The following FTO variants were observed in gnomAD, a reference collection of about 807,000 sequenced individuals.
FTO encodes alpha-ketoglutarate-dependent dioxygenase FTO.
A neutral mutation model predicts 63.9 loss-of-function variants in FTO; 47 were observed. That is an observed-to-expected ratio of 0.74 (90% CI 0.58 to 0.94). The LOEUF (loss-of-function observed/expected upper bound fraction) is 0.94, where lower values mean the gene tolerates loss of function less well. Among genes scored for constraint, FTO ranks in the 40% least tolerant of loss-of-function variants. The pLI, the probability that FTO is intolerant of heterozygous loss-of-function variation, is 0.00. For missense variants in FTO, 562 were observed against 618.1 expected (o/e 0.91, Z 0.96); for synonymous variants, 207 against 224.4 (o/e 0.92, Z 0.69).
At chr16:53,706,733 G>A (rs1310143257) in intron 1 of FTO, among the ~76,000 whole-genome samples, 1 of 152,142 alleles carries the variant, frequency 6.6e-6, no homozygotes, top group Non-Finnish European at 1.5e-5. Flanking sequence ...CCATGTTGTT[G>A]TATGTATCCA....
At chr16:54,105,443 G>A (rs1446364373) in intron 8 of FTO, among the ~76,000 whole-genome samples, 1 of 152,132 alleles carries the variant, frequency 6.6e-6, no homozygotes, top group East Asian at 1.9e-4. Context: ...GGAACGGAGT[G>A]AAAAGGGCAG....
chr16:53,987,597 AG>A (rs63519760), intron 8 of FTO, among the ~76,000 whole-genome samples: 11,830 of 137,524 alleles, frequency 0.086, 710 homozygotes, highest in East Asian at 0.2. Context: ...AAAAAAAAAA[AG>A]AAAAGAAAAG....
chr16:53,922,397 G>T (rs1336595967), intron 7 of FTO, among the ~76,000 whole-genome samples: 1 of 152,128 alleles, frequency 6.6e-6, no homozygotes, highest in Admixed American at 6.5e-5. Context: ...TAATGAATAC[G>T]CAGGCAAGTG....
At chr16:54,103,509 C>T (rs1004685711) in intron 8 of FTO, among the ~76,000 whole-genome samples, 15 of 152,136 alleles carry the variant, frequency 9.9e-5, no homozygotes, top group Non-Finnish European at 1.6e-4. Flanking sequence ...GAAACATTAA[C>T]GTGGGGAACA....
intron 8 of FTO, among the ~76,000 whole-genome samples, chr16:53,939,302 T>C (rs2082469060): frequency 6.6e-6 from 1 of 152,156 alleles, no homozygotes; most frequent in East Asian, 1.9e-4. Context: ...TTCAGGGAGA[T>C]GGCAAATACT....
intron 1 of FTO, among the ~76,000 whole-genome samples, chr16:53,708,753 T>G (rs2075693325): frequency 6.6e-6 from 1 of 152,220 alleles, no homozygotes; most frequent in African/African-American, 2.4e-5. Context: ...TGGTTTGATT[T>G]GCATTTCTCT....
At chr16:53,733,638 C>A (rs548804799) in intron 1 of FTO, among the ~76,000 whole-genome samples, 4 of 152,166 alleles carry the variant, frequency 2.6e-5, no homozygotes, top group Middle Eastern at 3.4e-3. Flanking sequence ...TAATTTAAGG[C>A]TTTTTTAAGA....
At chr16:53,710,329 G>A (rs1598463757) in intron 1 of FTO, among the ~76,000 whole-genome samples, 2 of 148,110 alleles carry the variant, frequency 1.4e-5, no homozygotes, top group South Asian at 4.3e-4. Flanking sequence ...GCAGTGGCGC[G>A]ATCTCAGCTC....
intron 1 of FTO, among the ~76,000 whole-genome samples, chr16:53,755,445 ACAGGGAGTACTT>A (rs1257203184): frequency 6.6e-6 from 1 of 152,200 alleles, no homozygotes; most frequent in African/African-American, 2.4e-5. Context: ...TTGAGGGATT[ACAGGGAGTACTT>A]CAAACACTCT....
rs932671910 is a variant in FTO at position 54,086,166 on chromosome 16, A to G, written c.1365-25596A>G. On this transcript the variant is annotated intron_variant, in intron 8 of 8. Coordinates refer to ENST00000471389, the MANE Select transcript of FTO (RefSeq NM_001080432.3). ...CCCCACGAAACCCCTTAACCTGGGC[A>G]AAATCCTATAACACAATTATATAAA... 5.1e-4 allele frequency among the ~76,000 whole-genome samples: 78 copies of G among 152,242 alleles called. 1 individual carries two copies. The highest frequency in any genetic ancestry group is 1.9e-3 in the African/African-American group (77 of 41,456).
intron 8 of FTO, among the ~76,000 whole-genome samples, chr16:54,037,163 T>C (rs1288809588): frequency 1.3e-4 from 20 of 152,132 alleles, no homozygotes; most frequent in Admixed American, 1.3e-3. Flanking sequence ...TTCTGATTGT[T>C]TCACCCACTT....
intron 1 of FTO, among the ~76,000 whole-genome samples, chr16:53,806,462 A>C (rs1026702664): frequency 2.0e-5 from 3 of 152,164 alleles, no homozygotes; most frequent in African/African-American, 7.2e-5. Flanking sequence ...GTGTTTCTGT[A>C]TGCAAATACA....
At chr16:54,019,907 G>A (rs1193541587) in intron 8 of FTO, among the ~76,000 whole-genome samples, 1 of 152,210 alleles carries the variant, frequency 6.6e-6, no homozygotes, top group African/African-American at 2.4e-5. Context: ...AGGTGGCTGG[G>A]AGGGGAGGAT....
At chr16:54,013,282 G>T in intron 8 of FTO, 1 of 156,682 alleles carries the variant, frequency 6.4e-6, no homozygotes, top group Non-Finnish European at 1.4e-5. Flanking sequence ...GGAGCCTGAA[G>T]ATGTGATTGA....
At chr16:54,003,862 G>GT (rs2084131048) in intron 8 of FTO, among the ~76,000 whole-genome samples, 1 of 152,144 alleles carries the variant, frequency 6.6e-6, no homozygotes, top group African/African-American at 2.4e-5. Context: ...TGGTTGCCAT[G>GT]TTTAATATTG....
intron 3 of FTO, among the ~76,000 whole-genome samples, chr16:53,839,760 A>C (rs2079408048): frequency 6.7e-6 from 1 of 149,342 alleles, no homozygotes. Context: ...AGTCATTATA[A>C]TTGGTTTTCT....
intron 1 of FTO, among the ~76,000 whole-genome samples, chr16:53,729,167 G>T (rs1174637600): frequency 6.6e-6 from 1 of 152,036 alleles, no homozygotes. Context: ...GCTGTGTTCA[G>T]CCCCTTTAGA....
At chr16:53,711,161 A>ATG (rs925898785) in intron 1 of FTO, among the ~76,000 whole-genome samples, 1 of 151,402 alleles carries the variant, frequency 6.6e-6, no homozygotes, top group African/African-American at 2.4e-5. Context: ...TATATTCTGT[A>ATG]TGTATATATA....
At chr16:53,788,015 G>A (rs1165335364) in intron 1 of FTO, among the ~76,000 whole-genome samples, 1 of 152,160 alleles carries the variant, frequency 6.6e-6, no homozygotes, top group Non-Finnish European at 1.5e-5. Flanking sequence ...GAAATGCCAT[G>A]CTTTTGTTTA....
Sources: gnomAD v4.1 joint callset for allele counts (sites outside exome capture counted in the v4.1 genomes callset) on GRCh38, gnomAD v4.1.1 for gene constraint, MANE v1.5 for transcripts, NCBI Gene and HGNC (gene_info 2026-07-23, HGNC 2026-07-21) for gene names.